ADRA1B: variants seen among roughly 807,000 people sequenced by gnomAD.
The protein encoded by ADRA1B is alpha-1B adrenergic receptor.
ADRA1B carries 17 observed loss-of-function variants against 17.9 expected under a neutral mutation model. The ratio of observed to expected loss-of-function variants is 0.95; its 90% CI spans 0.65 to 1.42. The LOEUF (loss-of-function observed/expected upper bound fraction) is 1.42, where lower values mean the gene tolerates loss of function less well. Among genes scored for constraint, ADRA1B ranks in the 40% most tolerant of loss-of-function variants. The probability of loss-of-function intolerance (pLI) is 0.00; values close to 1 mark genes in which losing one functional copy is unlikely to be tolerated. For missense variants in ADRA1B, 681 were observed against 722.1 expected (o/e 0.94, Z 0.65); for synonymous variants, 366 against 327.6 (o/e 1.12, Z -1.27).
downstream of ADRA1B, among the ~76,000 whole-genome samples, chr5:159,977,256 G>A (rs575522253): frequency 5.3e-5 from 8 of 152,252 alleles, no homozygotes; most frequent in Admixed American, 5.2e-4. Context: ...TATAGAAGAA[G>A]CCAGAGAGAA....
At chr5:159,950,805 G>GC (rs1358919556) in intron 1 of ADRA1B, 1 of 595,338 alleles carries the variant, frequency 1.7e-6, no homozygotes, top group Non-Finnish European at 3.1e-6. Flanking sequence ...GGACACAGAA[G>GC]CCCATGTCAG....
chr5:159,955,123 A>G (rs896407705), intron 1 of ADRA1B: 3 of 984,588 alleles, frequency 3.0e-6, no homozygotes, highest in African/African-American at 1.8e-5. Flanking sequence ...CCTTCAGGAT[A>G]CCGAAAGACA....
intron 1 of ADRA1B, among the ~76,000 whole-genome samples, chr5:159,884,820 A>G (rs1168012919): frequency 2.0e-5 from 3 of 152,266 alleles, no homozygotes; most frequent in Non-Finnish European, 4.4e-5. Context: ...TGGACTTGCC[A>G]TCTTGAATAG....
chr5:159,906,077 A>G (rs922161520), intron 1 of ADRA1B, among the ~76,000 whole-genome samples: 2 of 151,712 alleles, frequency 1.3e-5, no homozygotes, highest in Non-Finnish European at 2.9e-5. Flanking sequence ...CTGGTCTTGA[A>G]CTCCTGACCT....
intron 1 of ADRA1B, chr5:159,950,774 T>C: frequency 3.2e-6 from 2 of 617,964 alleles, no homozygotes; most frequent in East Asian, 3.0e-5. Flanking sequence ...GTGAGGTCCA[T>C]GACTGACACG....
At chr5:159,891,267 A>T (rs1221793012) in intron 1 of ADRA1B, among the ~76,000 whole-genome samples, 1 of 152,256 alleles carries the variant, frequency 6.6e-6, no homozygotes, top group African/African-American at 2.4e-5. Flanking sequence ...TTATTAAATC[A>T]ATAAACTCCA....
intron 1 of ADRA1B, among the ~76,000 whole-genome samples, chr5:159,940,167 A>G (rs1755085890): frequency 6.6e-6 from 1 of 152,234 alleles, no homozygotes; most frequent in African/African-American, 2.4e-5. Flanking sequence ...TTCTGTGTGT[A>G]CTGGCAAAGA....
At chr5:159,931,985 T>C (rs1301959669) in intron 1 of ADRA1B, among the ~76,000 whole-genome samples, 1 of 152,174 alleles carries the variant, frequency 6.6e-6, no homozygotes, top group Non-Finnish European at 1.5e-5. Flanking sequence ...AACCATGTTT[T>C]AGTATTTGCC....
chr5:159,892,498 T>C (rs1393566129), intron 1 of ADRA1B, among the ~76,000 whole-genome samples: 1 of 152,166 alleles, frequency 6.6e-6, no homozygotes, highest in Non-Finnish European at 1.5e-5. Flanking sequence ...CTCAACACTC[T>C]GACAGGCCCC....
At chr5:159,947,197 C>A (rs530512140) in intron 1 of ADRA1B, among the ~76,000 whole-genome samples, 1 of 151,978 alleles carries the variant, frequency 6.6e-6, no homozygotes, top group Non-Finnish European at 1.5e-5. Context: ...GAAAAATTAG[C>A]GAGGTGTGGT....
downstream of ADRA1B, among the ~76,000 whole-genome samples, chr5:159,974,355 G>A (rs542432316): frequency 6.6e-6 from 1 of 152,336 alleles, no homozygotes; most frequent in South Asian, 2.1e-4. Flanking sequence ...AAGAAAACCA[G>A]CTGGGTGCAG....
rs750200746 is a variant in ADRA1B at position 159,917,192 on chromosome 5, T to C, written c.287T>C (p.Phe96Ser). 8 of 1,614,188 alleles carry C rather than the reference T, an allele frequency of 5.0e-6. No individual in the cohort carries two copies. In the South Asian group the frequency reaches 7.7e-5, roughly 16 times the overall value. ...GCCATGGCCGACCTGCTGTTGAGCT[T>C]CACCGTCCTGCCCTTCTCAGCGGCC... ...NLAMADLLLSFTVLPFSAALE... is the reference protein window; with the variant it reads ...NLAMADLLLSSTVLPFSAALE... The change falls in exon 1 of 2, where the codon TTC becomes TCC. Residue 96 changes from phenylalanine (F) to serine (S), a missense_variant. Physicochemically the swap from Phe to Ser is radical, Grantham distance 155. Coordinates refer to ENST00000306675, the MANE Select transcript of ADRA1B (RefSeq NM_000679.4).
the ADRA1B span, among the ~76,000 whole-genome samples, chr5:159,984,064 G>A: frequency 6.6e-6 from 1 of 151,800 alleles, no homozygotes; most frequent in African/African-American, 2.4e-5. Flanking sequence ...TTTTATTTTT[G>A]AGCACTTCTT....
intron 1 of ADRA1B, chr5:159,888,540 A>G (rs1021425783): frequency 1.3e-5 from 2 of 152,218 alleles, no homozygotes; most frequent in African/African-American, 4.8e-5. Context: ...GAAGCATATT[A>G]GGTATTTCAA....
chr5:159,866,389 C>T (rs555163419), intron 1 of ADRA1B, among the ~76,000 whole-genome samples: 96 of 151,216 alleles, frequency 6.3e-4, no homozygotes, highest in African/African-American at 2.1e-3. Flanking sequence ...GAGTTTGAGA[C>T]GAGCCTGGCC....
At position 159,880,721 on chromosome 5, in the gene ADRA1B, C is replaced by T. The variant is rs1340884557; in HGVS notation, c.-256+15515C>T. Among the ~76,000 whole-genome samples, 7 of 152,290 alleles carry T rather than the reference C, an allele frequency of 4.6e-5. No individual in the cohort carries two copies. In the East Asian group the frequency reaches 1.2e-3, roughly 25 times the overall value. ...TCTACCCATCCAAGTTTTCCTATGC[C>T]CTCTGGGGCTAACACAGCAGGTCTA... On this transcript the variant is annotated intron_variant, in intron 1 of 2. Transcript: ENST00000641205.
At chr5:159,962,837 ATTTTTTT>A (rs756263225) in intron 1 of ADRA1B, among the ~76,000 whole-genome samples, 3 of 43,018 alleles carry the variant, frequency 7.0e-5, no homozygotes, top group Non-Finnish European at 1.4e-4. Flanking sequence ...ACACCTGGCT[ATTTTTTT>A]TTTTTTTTTT....
chr5:159,983,492 C>T, the ADRA1B span, among the ~76,000 whole-genome samples: 1 of 152,192 alleles, frequency 6.6e-6, no homozygotes, highest in Non-Finnish European at 1.5e-5. Context: ...CTTCAACACC[C>T]GCTCACCGCG....
At chr5:159,947,611 A>C in intron 1 of ADRA1B, 3 of 720,664 alleles carry the variant, frequency 4.2e-6, no homozygotes, top group Non-Finnish European at 5.1e-6. Context: ...CTTTTTTTCA[A>C]TACACTGGCT....
Sources: gnomAD v4.1 joint callset for allele counts (sites outside exome capture counted in the v4.1 genomes callset) on GRCh38, gnomAD v4.1.1 for gene constraint, MANE v1.5 for transcripts, NCBI Gene and HGNC (gene_info 2026-07-23, HGNC 2026-07-21) for gene names.